Variants in LRRTM4 observed in about 807,000 individuals in gnomAD.
The protein encoded by LRRTM4 is leucine rich repeat transmembrane neuronal 4, also known as leucine-rich repeat transmembrane neuronal protein 4.
Under a neutral mutation model 47.6 loss-of-function variants are expected in LRRTM4, and 25 were observed. The ratio of observed to expected loss-of-function variants is 0.53; its 90% confidence interval spans 0.38 to 0.73. LRRTM4 has a LOEUF of 0.73. LRRTM4 is among the 30% of genes least tolerant of loss of function. The pLI is 0.00. For synonymous variants in LRRTM4, 311 were observed against 269.5 expected (o/e 1.15, Z -1.51); for missense variants, 638 against 713.4 (o/e 0.89, Z 1.20).
At chr2:77,001,883 C>G (rs1475943255) in intron 3 of LRRTM4, among the ~76,000 whole-genome samples, 1 of 152,118 alleles carries the variant, frequency 6.6e-6, no homozygotes, top group Non-Finnish European at 1.5e-5. Flanking sequence ...ATATCTATGA[C>G]AAACATCAAC....
At chr2:77,289,845 T>C (rs190922814) in intron 3 of LRRTM4, among the ~76,000 whole-genome samples, 1 of 152,146 alleles carries the variant, frequency 6.6e-6, no homozygotes, top group East Asian at 1.9e-4. Context: ...TTACTGCCCA[T>C]GTTTCTCAAA....
chr2:77,141,061 T>C (rs1185815207), intron 3 of LRRTM4, among the ~76,000 whole-genome samples: 1 of 152,172 alleles, frequency 6.6e-6, no homozygotes, highest in Non-Finnish European at 1.5e-5. Flanking sequence ...GAAGACAGTG[T>C]GGCAATTCCT....
intron 3 of LRRTM4, among the ~76,000 whole-genome samples, chr2:77,406,377 A>G (rs1004849977): frequency 6.6e-6 from 1 of 152,072 alleles, no homozygotes; most frequent in Non-Finnish European, 1.5e-5. Context: ...GCTGGAATGC[A>G]GTGATGTGAT....
intron 3 of LRRTM4, among the ~76,000 whole-genome samples, chr2:77,018,919 G>A (rs557145495): frequency 6.6e-6 from 1 of 151,944 alleles, no homozygotes; most frequent in Non-Finnish European, 1.5e-5. Context: ...TTTGAATGTG[G>A]TAATGCATAA....
intron 3 of LRRTM4, among the ~76,000 whole-genome samples, chr2:77,092,309 C>T (rs993420069): frequency 6.6e-6 from 1 of 151,754 alleles, no homozygotes; most frequent in Non-Finnish European, 1.5e-5. Context: ...CACCCCATTT[C>T]CCCAAATTTC....
chr2:76,768,282 C>G (rs1673534992), intron 3 of LRRTM4, among the ~76,000 whole-genome samples: 1 of 152,058 alleles, frequency 6.6e-6, no homozygotes, highest in African/African-American at 2.4e-5. Flanking sequence ...AGAATGGTAA[C>G]TTCTTCTATC....
At position 77,458,411 on chromosome 2, in the gene LRRTM4, A is replaced by G. The variant is rs1335386741; in HGVS notation, c.1551+59907T>C. On this transcript the variant is annotated intron_variant, in intron 3 of 3. Transcript: ENST00000409884. ...AGTGGCACTCTTTAGAGCTGGCACC[A>G]CTCTCTTCATTTGGAGCCAGTTGTA... is the stretch of plus-strand genomic sequence containing the variant. Among the ~76,000 whole-genome samples the G allele has an allele frequency of 2.6e-5, 4 of 151,512 alleles. No individual in the cohort carries two copies. The East Asian group carries it at 7.8e-4, about 29-fold the overall frequency.
At chr2:77,020,293 C>A (rs1678220342) in intron 3 of LRRTM4, among the ~76,000 whole-genome samples, 1 of 152,118 alleles carries the variant, frequency 6.6e-6, no homozygotes, top group Non-Finnish European at 1.5e-5. Context: ...GAAATGGCCT[C>A]ACAATAAGAA....
intron 3 of LRRTM4, among the ~76,000 whole-genome samples, chr2:77,089,616 G>A (rs945744170): frequency 1.3e-5 from 2 of 151,306 alleles, no homozygotes; most frequent in African/African-American, 4.9e-5. Context: ...CTTTTCTCTA[G>A]GCTTGCTTCC....
intron 3 of LRRTM4, among the ~76,000 whole-genome samples, chr2:76,942,663 A>G (rs1487279846): frequency 9.3e-6 from 1 of 107,714 alleles, no homozygotes; most frequent in Non-Finnish European, 1.8e-5. Context: ...TCAAGTAACC[A>G]ACCTCTAGGA....
intron 3 of LRRTM4, among the ~76,000 whole-genome samples, chr2:76,781,510 C>A (rs1434307942): frequency 6.6e-6 from 1 of 152,210 alleles, no homozygotes; most frequent in Non-Finnish European, 1.5e-5. Flanking sequence ...GGGAGTGACC[C>A]GATTTTCCAG....
At chr2:77,299,278 C>CACAA (rs1553424520) in intron 3 of LRRTM4, among the ~76,000 whole-genome samples, 69,457 of 150,070 alleles carry the variant, frequency 0.46, 19,450 homozygotes, top group Non-Finnish European at 0.62. Context: ...CACACACACA[C>CACAA]ACACACACAC....
intron 3 of LRRTM4, among the ~76,000 whole-genome samples, chr2:77,085,379 T>C (rs900655743): frequency 1.2e-5 from 1 of 84,174 alleles, no homozygotes; most frequent in Non-Finnish European, 2.3e-5. Flanking sequence ...AATCCCTCAC[T>C]TTTTTTTTTT....
intron 3 of LRRTM4, among the ~76,000 whole-genome samples, chr2:77,099,549 A>T (rs1670897456): frequency 6.6e-6 from 1 of 152,068 alleles, no homozygotes; most frequent in Non-Finnish European, 1.5e-5. Flanking sequence ...AATGGGATGC[A>T]GTTGGCAGTG....
intron 3 of LRRTM4, among the ~76,000 whole-genome samples, chr2:76,888,199 A>C (rs1673140169): frequency 6.6e-6 from 1 of 151,314 alleles, no homozygotes; most frequent in Admixed American, 6.6e-5. Context: ...TTAGCTGTGA[A>C]TGTATTCTTG....
intron 3 of LRRTM4, among the ~76,000 whole-genome samples, chr2:76,904,795 A>G (rs1221438552): frequency 1.3e-5 from 2 of 152,208 alleles, no homozygotes; most frequent in Non-Finnish European, 2.9e-5. Context: ...GAGGTATAAT[A>G]TATAAGAATA....
intron 3 of LRRTM4, among the ~76,000 whole-genome samples, chr2:77,303,173 A>G (rs1356573971): frequency 1.3e-5 from 2 of 151,784 alleles, no homozygotes; most frequent in Non-Finnish European, 2.9e-5. Flanking sequence ...CATCTGCTTA[A>G]AACCCGGTGT....
At chr2:77,221,141 A>G (rs1398154065) in intron 3 of LRRTM4, among the ~76,000 whole-genome samples, 13 of 149,020 alleles carry the variant, frequency 8.7e-5, no homozygotes, top group African/African-American at 1.7e-4. Flanking sequence ...AATACTTTAC[A>G]GACAAGCAAA....
At chr2:76,838,649 A>G (rs1403664083) in intron 3 of LRRTM4, among the ~76,000 whole-genome samples, 2 of 152,044 alleles carry the variant, frequency 1.3e-5, no homozygotes, top group East Asian at 1.9e-4. Context: ...GTGTTCTGAA[A>G]TGGTACAGCC....
Sources: gnomAD v4.1 joint callset for allele counts (sites outside exome capture counted in the v4.1 genomes callset) on GRCh38, gnomAD v4.1.1 for gene constraint, MANE v1.5 for transcripts, NCBI Gene and HGNC (gene_info 2026-07-23, HGNC 2026-07-21) for gene names.